ZFHX3: variants seen among roughly 807,000 people sequenced by gnomAD.
ZFHX3 encodes the protein zinc finger homeobox protein 3.
In ZFHX3, 42 loss-of-function variants were observed where a neutral mutation model predicts 279.1. The ratio of observed to expected loss-of-function variants is 0.15; its 90% CI spans 0.12 to 0.19. The LOEUF (loss-of-function observed/expected upper bound fraction) is 0.19, where lower values mean the gene tolerates loss of function less well. Among genes scored for constraint, ZFHX3 ranks in the 10% least tolerant of loss-of-function variants. ZFHX3 has a pLI of 1.00. For synonymous variants in ZFHX3, 2,293 were observed against 1,957.8 expected (o/e 1.17, Z -4.52); for missense variants, 4,981 against 4,754.0 (o/e 1.05, Z -1.40).
intron 4 of ZFHX3, among the ~76,000 whole-genome samples, chr16:72,833,602 A>G (rs2037117393): frequency 6.6e-6 from 1 of 152,198 alleles, no homozygotes; most frequent in Non-Finnish European, 1.5e-5. Flanking sequence ...TCAAGCATTT[A>G]ATGGTATTTC....
chr16:72,794,499 G>C lies in ZFHX3; in HGVS notation c.8183C>G (p.Ala2728Gly). Residue 2728 changes from alanine to glycine, a missense_variant, in exon 9 of 10, where the codon GCT (alanine) becomes GGT (glycine). Coordinates refer to ENST00000268489, the MANE Select transcript of ZFHX3 (RefSeq NM_006885.4). This position sits in a 1 kb window ranked among gnomAD's most constrained non-coding sequence, Gnocchi z 4.2. ...ALFKAKTALEAHIRSRHWHEA... is the reference protein window; with the variant it reads ...ALFKAKTALEGHIRSRHWHEA... ...ATGCCAGTGACGGGACCGGATATGA[G>C]CCTCAAGAGCAGTCTTGGCTTTGAA... 1.2e-6 allele frequency: 2 copies of C among 1,614,216 alleles called. No homozygotes were observed. Among genetic ancestry groups the C allele is most frequent in the Non-Finnish European group, 1.7e-6 (2 of 1,180,046 alleles).
At chr16:73,408,938 G>A (rs1288116317) in intron 3 of ZFHX3, among the ~76,000 whole-genome samples, 3 of 151,790 alleles carry the variant, frequency 2.0e-5, no homozygotes, top group African/African-American at 7.3e-5. Context: ...ATCCCACCCC[G>A]CCAAAAAAAA....
intron 2 of ZFHX3, among the ~76,000 whole-genome samples, chr16:73,653,781 AAAAT>A (rs1189608853): frequency 1.3e-5 from 2 of 151,004 alleles, no homozygotes; most frequent in African/African-American, 5.0e-5. Flanking sequence ...TGAAAGGAGT[AAAAT>A]TGTAAAACAT....
chr16:72,898,931 G>A (rs1326415187), intron 3 of ZFHX3, among the ~76,000 whole-genome samples: 1 of 151,880 alleles, frequency 6.6e-6, no homozygotes, highest in Non-Finnish European at 1.5e-5. Context: ...CTGAGTGAGT[G>A]TGCACAGAGC....
At chr16:73,608,409 G>A (rs1486828778) in intron 2 of ZFHX3, among the ~76,000 whole-genome samples, 1 of 152,148 alleles carries the variant, frequency 6.6e-6, no homozygotes, top group Non-Finnish European at 1.5e-5. Context: ...CATGTGTGTT[G>A]GAATATAATT....
At chr16:73,070,681 C>T (rs1314704816) in intron 8 of ZFHX3, among the ~76,000 whole-genome samples, 1 of 151,878 alleles carries the variant, frequency 6.6e-6, no homozygotes, top group Non-Finnish European at 1.5e-5. Flanking sequence ...GACCACGTGA[C>T]CAATCCAGAA....
At chr16:73,004,434 T>C (rs1410094181) in intron 1 of ZFHX3, among the ~76,000 whole-genome samples, 1 of 147,322 alleles carries the variant, frequency 6.8e-6, no homozygotes. Flanking sequence ...TTTCAAGCCA[T>C]TCTCCTGCCT....
chr16:72,939,535 A>G (rs1448946069), intron 3 of ZFHX3, among the ~76,000 whole-genome samples: 1 of 152,238 alleles, frequency 6.6e-6, no homozygotes, highest in Non-Finnish European at 1.5e-5. Context: ...TCCCAAGGGC[A>G]AAAGGGGTCT....
intron 3 of ZFHX3, among the ~76,000 whole-genome samples, chr16:73,376,669 A>G (rs2016728286): frequency 6.6e-6 from 1 of 152,178 alleles, no homozygotes; most frequent in African/African-American, 2.4e-5. Context: ...GAAGATTTAC[A>G]CTTTCCAGGA....
intron 7 of ZFHX3, among the ~76,000 whole-genome samples, chr16:73,106,939 G>A (rs1056704073): frequency 2.0e-5 from 3 of 152,140 alleles, no homozygotes; most frequent in African/African-American, 4.8e-5. Flanking sequence ...CTAATGGATG[G>A]GACTAACAGT....
chr16:73,743,158 C>T (rs550012105), intron 1 of ZFHX3, among the ~76,000 whole-genome samples: 17 of 152,112 alleles, frequency 1.1e-4, no homozygotes, highest in Admixed American at 8.5e-4. Context: ...TGCTTTTTTT[C>T]TACTTAATGA....
chr16:73,447,681 C>A (rs1046411795), intron 3 of ZFHX3, among the ~76,000 whole-genome samples: 2 of 152,144 alleles, frequency 1.3e-5, no homozygotes, highest in Non-Finnish European at 2.9e-5. Context: ...AGATAGAACA[C>A]ATTAAACTGC....
At chr16:73,433,896 C>CT (rs1736383259) in intron 3 of ZFHX3, among the ~76,000 whole-genome samples, 1 of 152,198 alleles carries the variant, frequency 6.6e-6, no homozygotes, top group African/African-American at 2.4e-5. Flanking sequence ...CGAGGCTGCA[C>CT]TGGGGTTATG....
Position 72,798,717 on chromosome 16 carries a change from G to GT in ZFHX3, c.3968-4dup. 2 of 1,439,666 alleles carry GT rather than the reference G, an allele frequency of 1.4e-6. No individual in the cohort carries two copies. The highest frequency in any genetic ancestry group is 1.5e-5 in the South Asian group (1 of 64,866). The allele number at this position is 1,439,666 out of a possible 1,614,324, so 89.2% of individuals were successfully genotyped here. ...CTTTCCCAGATCCTCTGAGGTTTCT[G>GT]TTAAAAAAAAAAAAAAAATCAAACC... On this transcript the variant is annotated splice_region_variant and splice_polypyrimidine_tract_variant and intron_variant, in intron 8 of 9. Transcript: ENST00000268489.
intron 5 of ZFHX3, among the ~76,000 whole-genome samples, chr16:73,204,863 G>A (rs1000759818): frequency 5.9e-5 from 9 of 152,190 alleles, no homozygotes; most frequent in African/African-American, 1.9e-4. Context: ...TGCTACAAAA[G>A]GAGTTAGGCA....
intron 5 of ZFHX3, among the ~76,000 whole-genome samples, chr16:73,247,220 G>T (rs1597241078): frequency 6.6e-6 from 1 of 151,822 alleles, no homozygotes; most frequent in Admixed American, 6.6e-5. Context: ...TGTATAAAAT[G>T]TGTCTGTGTG....
intron 3 of ZFHX3, among the ~76,000 whole-genome samples, chr16:73,362,963 T>A (rs1165024464): frequency 6.6e-6 from 1 of 152,262 alleles, no homozygotes; most frequent in African/African-American, 2.4e-5. Context: ...TTATATTTGA[T>A]TAAACAAATG....
Position 72,793,109 on chromosome 16 carries a change from G to T in ZFHX3, c.9427+146C>A, listed in dbSNP as rs942208813. Reference sequence around the variant, plus strand: ...AGTACTTGGGAGACTCAACAGGAACGAACTGAAGTCTTGTTGCTTTTAAAG... The same window carrying T: ...AGTACTTGGGAGACTCAACAGGAACTAACTGAAGTCTTGTTGCTTTTAAAG... On this transcript the variant is annotated intron_variant, in intron 9 of 9. Coordinates refer to ENST00000268489, the MANE Select transcript of ZFHX3 (RefSeq NM_006885.4). This position sits in a 1 kb window ranked among gnomAD's most constrained non-coding sequence, Gnocchi z 4.3. 7.0e-7 allele frequency: 1 copy of T among 1,421,292 alleles called. No individual in the cohort carries two copies. Among genetic ancestry groups the T allele is most frequent in the Non-Finnish European group, 9.4e-7 (1 of 1,063,972 alleles). The allele number at this position is 1,421,292 out of a possible 1,614,324, so 88.0% of individuals were successfully genotyped here. A position where few individuals can be genotyped will look rare whatever the true frequency, so the allele number is the denominator to read the frequency against.
intron 1 of ZFHX3, among the ~76,000 whole-genome samples, chr16:73,801,602 T>G (rs1305565172): frequency 6.6e-6 from 1 of 152,246 alleles, no homozygotes; most frequent in African/African-American, 2.4e-5. Flanking sequence ...CATTTCCCTG[T>G]GTTTCCATTT....
Sources: allele counts gnomAD v4.1 joint callset (sites outside exome capture counted in the v4.1 genomes callset), GRCh38; gene constraint gnomAD v4.1.1; non-coding constraint Gnocchi (gnomAD v3.1); transcripts MANE v1.5; gene names NCBI Gene and HGNC (gene_info 2026-07-23, HGNC 2026-07-21).